Variants in FKBP3 observed in about 807,000 individuals in gnomAD.
The protein encoded by FKBP3 is FKBP prolyl isomerase 3, also known as peptidyl-prolyl cis-trans isomerase FKBP3.
In FKBP3, 21 loss-of-function variants were observed where a neutral mutation model predicts 30.6. That is an observed-to-expected ratio of 0.69 (90% CI 0.49 to 0.99). The LOEUF is 0.99. Ranked by LOEUF, FKBP3 falls within the 50% of genes least tolerant of loss-of-function variation. FKBP3 has a pLI of 0.00. For missense variants in FKBP3, 283 were observed against 261.6 expected (o/e 1.08, Z -0.56); for synonymous variants, 82 against 91.3 (o/e 0.90, Z 0.58).
chr14:45,122,696 G>T (rs1447543170), intron 3 of FKBP3, among the ~76,000 whole-genome samples: 1 of 151,694 alleles, frequency 6.6e-6, no homozygotes, highest in South Asian at 2.1e-4. Context: ...GTAGAGACAC[G>T]GTTTCACCAT....
In FKBP3 at chr14:45,115,922, T is replaced by G; in HGVS notation, c.*276A>C. 1 of 364,182 alleles carries G rather than the reference T, an allele frequency of 2.7e-6. No homozygotes were observed. The highest frequency in any genetic ancestry group is 5.2e-6 in the Non-Finnish European group (1 of 193,120). The allele number at this position is 364,182 out of a possible 1,614,324, so 22.6% of individuals were successfully genotyped here. A position where few individuals can be genotyped will look rare whatever the true frequency, so the allele number is the denominator to read the frequency against. On this transcript the variant is annotated 3_prime_UTR_variant, in exon 7 of 7. Coordinates refer to ENST00000396062, the MANE Select transcript of FKBP3 (RefSeq NM_002013.4). ...TCAGATCAAGACAGTGGATCAATTTTTATTGAGCCACTTAAGTTTACAACA... is the reference window on the plus strand; with the variant it reads ...TCAGATCAAGACAGTGGATCAATTTGTATTGAGCCACTTAAGTTTACAACA...
At position 45,129,832 on chromosome 14, in the gene FKBP3, T is replaced by C. The variant is rs781407019; in HGVS notation, c.280A>G (p.Lys94Glu). Reference sequence around the variant, plus strand: ...TCTTCAGACTTGGTTTCTTTGGGTTTATCTTCATTAAGCTTCACATTTTTT... The same window carrying C: ...TCTTCAGACTTGGTTTCTTTGGGTTCATCTTCATTAAGCTTCACATTTTTT... ...QVKNVKLNEDKPKETKSEETL... is the reference protein window; with the variant it reads ...QVKNVKLNEDEPKETKSEETL... Residue 94 changes from lysine to glutamate, a missense_variant, in exon 3 of 7, where the codon AAA becomes GAA. Physicochemically the swap from Lys to Glu is moderately conservative, Grantham distance 56 (BLOSUM62 1). Transcript: ENST00000396062. 1 of 1,612,946 alleles carries C rather than the reference T, an allele frequency of 6.2e-7. No individual in the cohort carries two copies. The highest frequency in any genetic ancestry group is 8.5e-7 in the Non-Finnish European group (1 of 1,179,430).
rs903773569 is a variant in FKBP3 at position 45,115,957 on chromosome 14, A to C, written c.*241T>G. The C allele has an allele frequency of 2.0e-5, 9 of 441,626 alleles. No homozygotes were observed. The highest frequency in any genetic ancestry group is 1.6e-4 in the African/African-American group (8 of 51,420). The allele number at this position is 441,626 out of a possible 1,614,324, so 27.4% of individuals were successfully genotyped here. On this transcript the variant is annotated 3_prime_UTR_variant, in exon 7 of 7. Transcript: ENST00000396062. ...ACTTAAGTTTACAACATGAGGTAAA[A>C]GGAAAAAGTTCTCCTTGACCAGTAT... is the stretch of plus-strand genomic sequence containing the variant.
chr14:45,130,023 T>C lies in FKBP3; in HGVS notation c.211-122A>G, dbSNP rs1012538130. ...AATAAATATAGGTTGTATAACACAA[T>C]TGTGAATAAATGGTCTAAGGAAACG... On this transcript the variant is annotated intron_variant, in intron 2 of 6. Coordinates refer to ENST00000396062, the MANE Select transcript of FKBP3 (RefSeq NM_002013.4). 2.6e-5 allele frequency: 13 copies of C among 491,888 alleles called. No individual in the cohort carries two copies. In the South Asian group the frequency reaches 3.2e-4, roughly 12 times the overall value. The allele number at this position is 491,888 out of a possible 1,614,324, so 30.5% of individuals were successfully genotyped here.
At position 45,120,973 on chromosome 14, in the gene FKBP3, T is replaced by C; in HGVS notation, c.455-19A>G. On this transcript the variant is annotated intron_variant, in intron 4 of 6. Transcript: ENST00000396062. ...TTTGCACCTGTAAAACAGATTTTCC[T>C]TATCATTAATGATATACTCTAATTT... is the stretch of plus-strand genomic sequence containing the variant. The C allele has an allele frequency of 6.3e-7, 1 of 1,585,446 alleles. No individual in the cohort carries two copies.
At chr14:45,118,170 G>A (rs759833344) in intron 5 of FKBP3, 45 bp from the exon 6 acceptor site, 1 of 1,197,818 alleles carries the variant, frequency 8.3e-7, no homozygotes, top group South Asian at 1.3e-5. Context: ...TTTGCAAAAA[G>A]CACATGCAAT....
chr14:45,116,370 C>G (rs1187076663), intron 6 of FKBP3, 118 bp from the exon 7 acceptor site: 10 of 667,494 alleles, frequency 1.5e-5, no homozygotes, highest in Non-Finnish European at 2.5e-5. Context: ...GGACTAGGAT[C>G]CTCCTTACCT....
chr14:45,116,374 C>T, intron 6 of FKBP3, 122 bp from the exon 7 acceptor site: 1 of 655,210 alleles, frequency 1.5e-6, no homozygotes, highest in Non-Finnish European at 2.8e-6. Flanking sequence ...TAGGATCCTC[C>T]TTACCTGGAT....
At chr14:45,123,179 TA>T (rs35440697) in intron 3 of FKBP3, among the ~76,000 whole-genome samples, 23,714 of 123,012 alleles carry the variant, frequency 0.19, 3,157 homozygotes, top group African/African-American at 0.42. Context: ...AGGCTCCATC[TA>T]AAAAAAAAAA....
intron 5 of FKBP3, among the ~76,000 whole-genome samples, chr14:45,118,819 T>G (rs1384356711): frequency 2.0e-5 from 3 of 152,170 alleles, no homozygotes; most frequent in Admixed American, 6.5e-5. Flanking sequence ...ATTACCAGAT[T>G]GTAATAGTGG....
intron 3 of FKBP3, among the ~76,000 whole-genome samples, chr14:45,128,016 T>G (rs551996992): frequency 2.6e-5 from 4 of 152,204 alleles, no homozygotes; most frequent in African/African-American, 9.6e-5. Flanking sequence ...CATTCACATT[T>G]TGGCACTACA....
chr14:45,129,954 C>T, intron 2 of FKBP3, 53 bp from the exon 3 acceptor site: 1 of 1,107,270 alleles, frequency 9.0e-7, no homozygotes, highest in Non-Finnish European at 1.3e-6. Flanking sequence ...AACCAAGAAG[C>T]AACATCAAGA....
In FKBP3 at chr14:45,121,637, A is replaced by G; in HGVS notation, c.319-17T>C. ...TGGTGGACCCTAAAAACAAAAAACAACACACACACACAGAGTTATTAATTT... is the reference window on the plus strand; with the variant it reads ...TGGTGGACCCTAAAAACAAAAAACAGCACACACACACAGAGTTATTAATTT... On this transcript the variant is annotated splice_polypyrimidine_tract_variant and intron_variant, in intron 3 of 6. Transcript: ENST00000396062. 1 of 1,570,744 alleles carries G rather than the reference A, an allele frequency of 6.4e-7. No individual in the cohort carries two copies. The highest frequency in any genetic ancestry group is 2.3e-5 in the East Asian group (1 of 43,896).
chr14:45,131,089 A>T, intron 1 of FKBP3: 1 of 204,258 alleles, frequency 4.9e-6, no homozygotes, highest in South Asian at 1.1e-4. Context: ...TAACATTTAT[A>T]CAGCAAGCAC....
intron 6 of FKBP3, among the ~76,000 whole-genome samples, chr14:45,117,678 A>G (rs1884882091): frequency 6.6e-6 from 1 of 152,212 alleles, no homozygotes; most frequent in African/African-American, 2.4e-5. Flanking sequence ...ACCATGAGCC[A>G]TATTTGCATC....
rs1884846752 is a variant in FKBP3, at chr14:45,116,654, G to T, written c.621-402C>A. Reference sequence around the variant, plus strand: ...GTGGATCACCTGAGGTCAGGAGTTTGTGACCAGCCTGGCCAACACAGTGAA... The same window carrying T: ...GTGGATCACCTGAGGTCAGGAGTTTTTGACCAGCCTGGCCAACACAGTGAA... On this transcript the variant is annotated intron_variant, in intron 6 of 6. Transcript: ENST00000396062. Among the ~76,000 whole-genome samples, 3 of 152,068 alleles carry T rather than the reference G, an allele frequency of 2.0e-5. No homozygotes were observed. In the South Asian group the frequency reaches 6.2e-4, roughly 32 times the overall value.
Position 45,118,124 on chromosome 14 carries a change from C to T in FKBP3, c.524G>A (p.Trp175Ter). 1.9e-6 allele frequency: 3 copies of T among 1,583,894 alleles called. No homozygotes were observed. The highest frequency in any genetic ancestry group is 1.7e-6 in the Non-Finnish European group (2 of 1,168,796). Residue 175 changes from tryptophan to a stop codon, truncating the protein, a stop_gained and splice_region_variant, in exon 6 of 7, where the codon TGG becomes TAG. Transcript: ENST00000396062. LOFTEE classifies it high-confidence loss of function. ...ACTCATAGTCAAGAGAGCTTCATCC[C>T]ACTAAAGGCAAGAACAAAATAAAAA... ...KVGVGKVIRG[W>*]DEALLTMSKG...
intron 1 of FKBP3, chr14:45,133,324 T>A: frequency 3.3e-6 from 1 of 301,812 alleles, no homozygotes; most frequent in Non-Finnish European, 6.9e-6. Context: ...AAAATTAACC[T>A]GGCGTGGTGG....
chr14:45,118,663 T>C (rs531445600), intron 5 of FKBP3, among the ~76,000 whole-genome samples: 156 of 151,986 alleles, frequency 1.0e-3, no homozygotes, highest in Non-Finnish European at 1.7e-3. Flanking sequence ...AAAAAAACTT[T>C]TTGTAAACTG....
Sources: gnomAD v4.1 joint callset for allele counts (sites outside exome capture counted in the v4.1 genomes callset) on GRCh38, gnomAD v4.1.1 for gene constraint, MANE v1.5 for transcripts, NCBI Gene and HGNC (gene_info 2026-07-23, HGNC 2026-07-21) for gene names.